Variants in IGF2R observed in about 807,000 individuals in gnomAD.
IGF2R encodes cation-independent mannose-6-phosphate receptor.
IGF2R carries 91 observed loss-of-function variants against 270.6 expected under a neutral mutation model. That is an observed-to-expected ratio of 0.34 (90% CI 0.28 to 0.40). The LOEUF (loss-of-function observed/expected upper bound fraction) is 0.40, where lower values mean the gene tolerates loss of function less well. Among genes scored for constraint, IGF2R ranks in the 10% least tolerant of loss-of-function variants. The pLI is 1.00. For synonymous variants in IGF2R, 1,316 were observed against 1,258.9 expected (o/e 1.05, Z -0.96); for missense variants, 2,805 against 3,188.3 (o/e 0.88, Z 2.90).
chr6:160,089,559 C>T (rs1779172765), intron 43 of IGF2R, among the ~76,000 whole-genome samples: 1 of 152,244 alleles, frequency 6.6e-6, no homozygotes, highest in South Asian at 2.1e-4. Flanking sequence ...ATCTTCTGGG[C>T]TTACCAGTGT....
intron 45 of IGF2R, among the ~76,000 whole-genome samples, chr6:160,100,926 G>A (rs973414204): frequency 6.6e-6 from 1 of 150,958 alleles, no homozygotes; most frequent in Non-Finnish European, 1.5e-5. Context: ...GAGTAGCTGG[G>A]ATTATGGGCG....
intron 1 of IGF2R, among the ~76,000 whole-genome samples, chr6:159,980,041 C>T (rs374936487): frequency 2.6e-5 from 4 of 151,924 alleles, no homozygotes; most frequent in South Asian, 2.1e-4. Flanking sequence ...CTTAGATGGG[C>T]GCGGTGGCGG....
At chr6:160,039,147 TAAC>T (rs1280981451) in intron 10 of IGF2R, among the ~76,000 whole-genome samples, 1 of 152,218 alleles carries the variant, frequency 6.6e-6, no homozygotes, top group South Asian at 2.1e-4. Flanking sequence ...AGAGTGTACT[TAAC>T]ACACACCTAG....
chr6:160,009,276 C>A, intron 3 of IGF2R, 142 bp downstream of exon 3: 1 of 654,438 alleles, frequency 1.5e-6, no homozygotes, highest in Non-Finnish European at 2.5e-6. Context: ...AAATGACCAT[C>A]ATCATCAAGA....
Position 160,102,589 on chromosome 6 carries a change from G to A in IGF2R, c.6913G>A (p.Ala2305Thr), listed in dbSNP as rs1779511523. 2 of 1,613,726 alleles carry A rather than the reference G, an allele frequency of 1.2e-6. No homozygotes were observed. The highest frequency in any genetic ancestry group is 4.5e-5 in the East Asian group (2 of 44,870). The change falls in exon 46 of 48, where the codon GCA (alanine) becomes ACA (threonine). Residue 2305 changes from alanine (A) to threonine (T), a missense_variant. Coordinates refer to ENST00000356956, the MANE Select transcript of IGF2R (RefSeq NM_000876.4). This position sits in a 1 kb window ranked among gnomAD's most constrained non-coding sequence, Gnocchi z 4.5. Reference sequence around the variant, plus strand: ...CAAGGGGCTGTCAGAACGGAGCCAGGCAGTCGGCGCGGTGCTCAGCCTGCT... The same window carrying A: ...CAAGGGGCTGTCAGAACGGAGCCAGACAGTCGGCGCGGTGCTCAGCCTGCT... The part of the protein sequence containing the change: ...MHKGLSERSQ[A>T]VGAVLSLLLV...
chr6:160,104,979 G>A lies in IGF2R; in HGVS notation c.7371G>A (p.Glu2457=). 1 of 1,614,050 alleles carries A rather than the reference G, an allele frequency of 6.2e-7. No individual in the cohort carries two copies. Among genetic ancestry groups the A allele is most frequent in the Non-Finnish European group, 8.5e-7 (1 of 1,180,016 alleles). ...ATAGGGTGGGGCTGGTCAGGGGTGA[G>A]AAGGCGAGGAAAGGGAAGTCCAGCT... is the stretch of plus-strand genomic sequence containing the variant. ...EDDRVGLVRG[E]KARKGKSSSA... is the part of the protein sequence containing the mutation. Residue 2457 remains glutamate, a synonymous_variant, in exon 48 of 48, where the codon GAG becomes GAA. Coordinates refer to ENST00000356956, the MANE Select transcript of IGF2R (RefSeq NM_000876.4).
intron 1 of IGF2R, among the ~76,000 whole-genome samples, chr6:159,979,122 C>T (rs1783740118): frequency 6.6e-6 from 1 of 152,192 alleles, no homozygotes; most frequent in Non-Finnish European, 1.5e-5. Context: ...TTCATGCCTG[C>T]TGTGTGCTGG....
intron 2 of IGF2R, among the ~76,000 whole-genome samples, chr6:159,994,436 G>A (rs1426590525): frequency 2.0e-5 from 3 of 150,962 alleles, no homozygotes; most frequent in Admixed American, 2.0e-4. Context: ...TTTGGGGGGG[G>A]TCTCAATTTC....
At chr6:159,971,235 T>A (rs982278798) in intron 1 of IGF2R, among the ~76,000 whole-genome samples, 1 of 152,238 alleles carries the variant, frequency 6.6e-6, no homozygotes, top group Non-Finnish European at 1.5e-5. Flanking sequence ...GATGGGACCC[T>A]TACTTTTGCA....
chr6:160,056,997 A>T (rs1359698089), intron 20 of IGF2R, among the ~76,000 whole-genome samples: 1 of 151,350 alleles, frequency 6.6e-6, no homozygotes, highest in African/African-American at 2.4e-5. Context: ...TGTGTCTCTC[A>T]CCTGTGCATA....
rs1458941715 is a variant in IGF2R, at chr6:160,047,286, A to G, written c.2179A>G (p.Ile727Val). The G allele has an allele frequency of 1.2e-6, 2 of 1,611,700 alleles. No homozygotes were observed. The highest frequency in any genetic ancestry group is 1.7e-6 in the Non-Finnish European group (2 of 1,179,318). ...AAGACACACACCGAGAGCTACGCTCATCACCTTTCTCTGTGATCGAGACGC... is the reference window on the plus strand; with the variant it reads ...AAGACACACACCGAGAGCTACGCTCGTCACCTTTCTCTGTGATCGAGACGC... ...NERHTPRATL[I>V]TFLCDRDAGV... Residue 727 changes from isoleucine (I) to valine (V), a missense_variant, in exon 16 of 48, where the codon ATC becomes GTC. By Grantham distance (29) the Ile-to-Val change is conservative. This residue lies in a region of IGF2R where 954 missense variants were observed against 981.1 expected (regional missense o/e 0.97). Coordinates refer to ENST00000356956, the MANE Select transcript of IGF2R (RefSeq NM_000876.4).
At chr6:159,979,388 C>T (rs903894459) in intron 1 of IGF2R, among the ~76,000 whole-genome samples, 8 of 152,172 alleles carry the variant, frequency 5.3e-5, no homozygotes, top group African/African-American at 1.9e-4. Context: ...CAGTGAGTCA[C>T]CCTCATTGTT....
At chr6:160,092,011 C>T (rs1210464178) in intron 44 of IGF2R, among the ~76,000 whole-genome samples, 1 of 152,248 alleles carries the variant, frequency 6.6e-6, no homozygotes, top group Non-Finnish European at 1.5e-5. Context: ...CCTTGGCCCA[C>T]CTTCCTCATC....
chr6:160,086,855 A>G (rs3798177), intron 41 of IGF2R, among the ~76,000 whole-genome samples: 13,442 of 152,202 alleles, frequency 0.088, 897 homozygotes, highest in East Asian at 0.33. Context: ...CCTCCACCGC[A>G]TGCCCCTGCC....
chr6:160,063,886 T>C (rs545692041), intron 27 of IGF2R, among the ~76,000 whole-genome samples: 1 of 152,356 alleles, frequency 6.6e-6, no homozygotes, highest in South Asian at 2.1e-4. Flanking sequence ...CATATTTCTC[T>C]TCTTTATTAC....
chr6:160,099,374 A>ATGTTG (rs1779432469), intron 45 of IGF2R, among the ~76,000 whole-genome samples: 2 of 149,642 alleles, frequency 1.3e-5, no homozygotes, highest in African/African-American at 5.1e-5. Flanking sequence ...ATGTTATGTT[A>ATGTTG]TGTTATTTTT....
intron 36 of IGF2R, among the ~76,000 whole-genome samples, chr6:160,077,017 G>A (rs3777404): frequency 0.14 from 22,019 of 152,084 alleles, 1,727 homozygotes; most frequent in Middle Eastern, 0.26. Flanking sequence ...TGTTAGACAT[G>A]GGTGTGCTGA....
intron 2 of IGF2R, among the ~76,000 whole-genome samples, chr6:159,999,672 C>T (rs1784100072): frequency 6.6e-6 from 1 of 152,146 alleles, no homozygotes; most frequent in Non-Finnish European, 1.5e-5. Flanking sequence ...GAAGAGCTAG[C>T]ATAGAAATAG....
At position 160,061,919 on chromosome 6, in the gene IGF2R, T is replaced by C. The variant is rs1778448364; in HGVS notation, c.3573T>C (p.Ala1191=). 1.2e-6 allele frequency: 2 copies of C among 1,614,094 alleles called. No homozygotes were observed. Among genetic ancestry groups the C allele is most frequent in the Non-Finnish European group, 1.7e-6 (2 of 1,179,986 alleles). Residue 1191 remains alanine (A), a synonymous_variant, in exon 25 of 48, where the codon GCT becomes GCC. Transcript: ENST00000356956. ...RFSTRITFEC[A]QISGSPAFQL... is the part of the protein sequence containing the mutation. ...CCACCAGGATCACGTTTGAGTGTGC[T>C]CAGATATCGGTGTGTGTTCAGACCA...
Sources: allele counts gnomAD v4.1 joint callset (sites outside exome capture counted in the v4.1 genomes callset), GRCh38; gene constraint gnomAD v4.1.1; regional missense constraint gnomAD v4.1.1; non-coding constraint Gnocchi (gnomAD v3.1); transcripts MANE v1.5; gene names NCBI Gene and HGNC (gene_info 2026-07-23, HGNC 2026-07-21).